Variants in MBLAC2 observed in about 807,000 individuals in gnomAD.
MBLAC2 encodes metallo-beta-lactamase domain containing 2.
In MBLAC2, 24 loss-of-function variants were observed where a neutral mutation model predicts 23.3. The ratio of observed to expected loss-of-function variants is 1.03; its 90% CI spans 0.75 to 1.45. MBLAC2 has a LOEUF of 1.45. Among genes scored for constraint, MBLAC2 ranks in the 40% most tolerant of loss-of-function variants. MBLAC2 has a pLI of 0.00. For synonymous variants in MBLAC2, 162 were observed against 150.9 expected (o/e 1.07, Z -0.54); for missense variants, 358 against 370.0 (o/e 0.97, Z 0.27).
At chr5:90,472,505 ATTTT>A (rs969850220) in intron 1 of MBLAC2, 1 of 149,390 alleles carries the variant, frequency 6.7e-6, no homozygotes, top group Non-Finnish European at 1.5e-5. Context: ...GAATCTTGCA[ATTTT>A]TTTTTTAGCA....
At chr5:90,467,022 A>G (rs1028453678) in intron 1 of MBLAC2, among the ~76,000 whole-genome samples, 3 of 152,216 alleles carry the variant, frequency 2.0e-5, no homozygotes, top group African/African-American at 7.2e-5. Context: ...CTGTAATTCC[A>G]GCTACTCAGG....
intron 1 of MBLAC2, among the ~76,000 whole-genome samples, chr5:90,464,023 C>CA (rs1030455394): frequency 6.6e-6 from 1 of 152,036 alleles, no homozygotes; most frequent in Non-Finnish European, 1.5e-5. Context: ...GACAAATTAT[C>CA]AAAAGTGATC....
intron 1 of MBLAC2, among the ~76,000 whole-genome samples, chr5:90,465,284 G>A (rs1246708400): frequency 6.6e-6 from 1 of 152,126 alleles, no homozygotes; most frequent in Non-Finnish European, 1.5e-5. Context: ...TTTGACAAAA[G>A]ATGTTTTGTA....
intron 1 of MBLAC2, among the ~76,000 whole-genome samples, chr5:90,462,346 G>A (rs1277673013): frequency 1.3e-5 from 2 of 152,132 alleles, no homozygotes; most frequent in Non-Finnish European, 1.5e-5. Context: ...GATTCATAAT[G>A]TAATCTCTAG....
chr5:90,461,025 T>C lies in MBLAC2; in HGVS notation c.*142A>G, dbSNP rs1210196833. 1.5e-6 allele frequency: 1 copy of C among 689,160 alleles called. No homozygotes were observed. Among genetic ancestry groups the C allele is most frequent in the African/African-American group, 1.8e-5 (1 of 54,648 alleles). The allele number at this position is 689,160 out of a possible 1,614,324, so 42.7% of individuals were successfully genotyped here. On this transcript the variant is annotated 3_prime_UTR_variant, in exon 2 of 2. Transcript: ENST00000316610. ...AACAATTTAAACTAACAATTTTCTT[T>C]TTGGCTTATTCATTCTCAATCTTTC...
rs1172342054 is a variant in MBLAC2, at chr5:90,458,603, CATTTA to C, written c.*2559_*2563del. On this transcript the variant is annotated 3_prime_UTR_variant, in exon 2 of 2. Transcript: ENST00000316610. ...TTATTATTATGCTTTAACATCATTT[CATTTA>C]TTCTTGGCACACACGGCATCTTGGA... is the stretch of plus-strand genomic sequence containing the variant. 1 of 152,092 alleles carries C rather than the reference CATTTA, an allele frequency of 6.6e-6. No individual in the cohort carries two copies. The highest frequency in any genetic ancestry group is 2.4e-5 in the African/African-American group (1 of 41,420). The allele number at this position is 152,092 out of a possible 1,614,324, so 9.4% of individuals were successfully genotyped here.
At chr5:90,470,418 T>G (rs1750524717) in intron 1 of MBLAC2, among the ~76,000 whole-genome samples, 1 of 152,182 alleles carries the variant, frequency 6.6e-6, no homozygotes, top group Non-Finnish European at 1.5e-5. Context: ...GATCATTACA[T>G]TGTATGCGTT....
intron 1 of MBLAC2, among the ~76,000 whole-genome samples, chr5:90,465,378 A>G (rs987058601): frequency 6.6e-6 from 1 of 152,204 alleles, no homozygotes; most frequent in Non-Finnish European, 1.5e-5. Context: ...GAGATAGGCT[A>G]TGCTTACTGA....
chr5:90,461,474 T>A lies in MBLAC2; in HGVS notation c.533A>T (p.His178Leu). The A allele has an allele frequency of 1.9e-6, 3 of 1,614,164 alleles. No individual in the cohort carries two copies. The Admixed American group carries it at 5.0e-5, about 27-fold the overall frequency. ...PGHSRGSICL[H>L]DKDRKILFSG... ...GAAGAGAATCTTTCGGTCTTTGTCA[T>A]GTAAGCAAATACTGCCCCTGGAGTG... The change falls in exon 2 of 2, where the codon CAT (histidine) becomes CTT (leucine). Residue 178 changes from histidine (H) to leucine (L), a missense_variant. Transcript: ENST00000316610.
chr5:90,461,688 T>A (rs1394319557), intron 1 of MBLAC2, 136 bp from the exon 2 acceptor site: 1 of 892,380 alleles, frequency 1.1e-6, no homozygotes, highest in Admixed American at 3.3e-5. Flanking sequence ...TATTTCTTAA[T>A]GATGATTTAA....
At chr5:90,466,032 T>C (rs546470599) in intron 1 of MBLAC2, among the ~76,000 whole-genome samples, 162 of 152,300 alleles carry the variant, frequency 1.1e-3, no homozygotes, top group African/African-American at 3.7e-3. Context: ...AATACAATTA[T>C]GAAAAAGAGG....
intron 1 of MBLAC2, among the ~76,000 whole-genome samples, chr5:90,471,350 T>C (rs1035841252): frequency 6.6e-6 from 1 of 152,180 alleles, no homozygotes; most frequent in Non-Finnish European, 1.5e-5. Flanking sequence ...GGGATCACAA[T>C]GCCAGAACTT....
rs1482543543 is a variant in MBLAC2, at chr5:90,459,967, G to GA, written c.*1199dup. On this transcript the variant is annotated 3_prime_UTR_variant, in exon 2 of 2. Transcript: ENST00000316610. The stretch of plus-strand genomic sequence containing the variant: ...TATGTCAATAATAAAAAGGCAGTGG[G>GA]AAAAAACTGTTTAAAACCCTTTATG... 2.0e-5 allele frequency: 3 copies of GA among 152,578 alleles called. No individual in the cohort carries two copies. Among genetic ancestry groups the GA allele is most frequent in the Non-Finnish European group, 4.4e-5 (3 of 67,956 alleles). 9.5% of individuals were successfully genotyped at this position (152,578 alleles called of 1,614,324 possible).
At chr5:90,465,272 A>C (rs891710090) in intron 1 of MBLAC2, among the ~76,000 whole-genome samples, 2 of 152,228 alleles carry the variant, frequency 1.3e-5, no homozygotes, top group African/African-American at 4.8e-5. Flanking sequence ...CTTGGGAAAA[A>C]ATTTGACAAA....
chr5:90,471,530 T>C (rs1750549227), intron 1 of MBLAC2, among the ~76,000 whole-genome samples: 1 of 152,196 alleles, frequency 6.6e-6, no homozygotes, highest in Non-Finnish European at 1.5e-5. Context: ...GATATGGCTA[T>C]TCTCTCCTTG....
At position 90,458,423 on chromosome 5, in the gene MBLAC2, G is replaced by A. The variant is rs183399076; in HGVS notation, c.*2744C>T. 8 of 152,098 alleles carry A rather than the reference G, an allele frequency of 5.3e-5. No homozygotes were observed. The East Asian group carries it at 1.4e-3, about 26-fold the overall frequency. The allele number at this position is 152,098 out of a possible 1,614,324, so 9.4% of individuals were successfully genotyped here. ...AGGAAAATGAATTTCCAGTGATTAA[G>A]TATTAACAATATAAATAATAAAAAT... On this transcript the variant is annotated 3_prime_UTR_variant, in exon 2 of 2. Coordinates refer to ENST00000316610, the MANE Select transcript of MBLAC2 (RefSeq NM_203406.2).
Position 90,463,249 on chromosome 5 carries a change from A to T in MBLAC2, c.455-1697T>A, listed in dbSNP as rs1750395804. 1.3e-5 allele frequency among the ~76,000 whole-genome samples: 2 copies of T among 152,252 alleles called. 1 individual carries two copies. The highest frequency in any genetic ancestry group is 4.1e-4 in the South Asian group (2 of 4,828). The stretch of plus-strand genomic sequence containing the variant: ...CAGGCGTGTGCCATCACGCCTGGCT[A>T]ATTTTTATATTTTTAGTAGAGACAG... On this transcript the variant is annotated intron_variant, in intron 1 of 1. Transcript: ENST00000316610.
intron 1 of MBLAC2, among the ~76,000 whole-genome samples, chr5:90,469,218 G>A (rs942548517): frequency 5.3e-5 from 8 of 151,940 alleles, no homozygotes; most frequent in Admixed American, 2.6e-4. Flanking sequence ...CGCCCTCCTC[G>A]GCCTTTCAAA....
In MBLAC2 at chr5:90,474,062, C is replaced by T; in HGVS notation, c.231G>A (p.Leu77=). ...EAKEDAARRP[L]LAVATHVHFD... ...AGTGCACGTGGGTGGCCACGGCAAG[C>T]AGTGGCCGGCGCGCCGCGTCCTCTT... Residue 77 remains leucine, a synonymous_variant, in exon 1 of 2, where the codon CTG becomes CTA. Transcript: ENST00000316610. 10 of 1,580,614 alleles carry T rather than the reference C, an allele frequency of 6.3e-6. No homozygotes were observed. Among genetic ancestry groups the T allele is most frequent in the Non-Finnish European group, 8.6e-6 (10 of 1,163,984 alleles).
Sources: gnomAD v4.1 joint callset for allele counts (sites outside exome capture counted in the v4.1 genomes callset) on GRCh38, gnomAD v4.1.1 for gene constraint, MANE v1.5 for transcripts, NCBI Gene and HGNC (gene_info 2026-07-23, HGNC 2026-07-21) for gene names.